SHCBP1: variants seen among roughly 807,000 people sequenced by gnomAD.
SHCBP1 encodes SHC binding and spindle associated 1.
In SHCBP1, 60 loss-of-function variants were observed where a neutral mutation model predicts 75.1. The observed-to-expected ratio is 0.80, with a 90% CI of 0.65 to 0.99. The LOEUF (loss-of-function observed/expected upper bound fraction) is 0.99, where lower values mean the gene tolerates loss of function less well. Among genes scored for constraint, SHCBP1 ranks in the 50% least tolerant of loss-of-function variants. The pLI is 0.00. For missense variants in SHCBP1, 709 were observed against 809.4 expected (o/e 0.88, Z 1.50); for synonymous variants, 290 against 293.2 (o/e 0.99, Z 0.11).
chr16:46,598,350 G>A (rs1171380269), intron 9 of SHCBP1, among the ~76,000 whole-genome samples: 2 of 152,176 alleles, frequency 1.3e-5, no homozygotes, highest in Non-Finnish European at 2.9e-5. Flanking sequence ...TCCATGGGCT[G>A]CAGAATGGAT....
chr16:46,613,093 G>A (rs1252440752), intron 4 of SHCBP1, among the ~76,000 whole-genome samples: 1 of 152,134 alleles, frequency 6.6e-6, no homozygotes, highest in Admixed American at 6.5e-5. Flanking sequence ...TGAGGTGGGA[G>A]GACTGCTTGA....
At chr16:46,610,779 G>A (rs1270855596) in intron 4 of SHCBP1, among the ~76,000 whole-genome samples, 4 of 151,338 alleles carry the variant, frequency 2.6e-5, no homozygotes, top group Non-Finnish European at 4.4e-5. Context: ...GGCTGGTCTC[G>A]AACTCCTGGG....
At chr16:46,613,956 A>G (rs1319169479) in intron 4 of SHCBP1, among the ~76,000 whole-genome samples, 1 of 152,210 alleles carries the variant, frequency 6.6e-6, no homozygotes, top group African/African-American at 2.4e-5. Context: ...AAATAATACT[A>G]CCAAATAACA....
At chr16:46,606,748 T>C (rs1965331533) in intron 5 of SHCBP1, among the ~76,000 whole-genome samples, 1 of 152,026 alleles carries the variant, frequency 6.6e-6, no homozygotes, top group African/African-American at 2.4e-5. Context: ...ATAGAAATCA[T>C]AGCCCATTTA....
At position 46,579,519 on chromosome 16, in the gene SHCBP1, A is replaced by C. The variant is rs1177875979; in HGVS notation, c.*2210T>G. ...TAACTTATCTACAAAATCTAAACCA[A>C]GATAAAGTAGAAATTCAATTGAAAA... On this transcript the variant is annotated 3_prime_UTR_variant, in exon 13 of 13. Coordinates refer to ENST00000303383, the MANE Select transcript of SHCBP1 (RefSeq NM_024745.5). 6.6e-6 allele frequency among the ~76,000 whole-genome samples: 1 copy of C among 152,226 alleles called. No individual in the cohort carries two copies. The highest frequency in any genetic ancestry group is 1.5e-5 in the Non-Finnish European group (1 of 68,034).
chr16:46,588,727 G>A (rs201604032), intron 10 of SHCBP1, among the ~76,000 whole-genome samples: 9 of 152,206 alleles, frequency 5.9e-5, no homozygotes, highest in African/African-American at 1.2e-4. Context: ...ATTCACAGCC[G>A]AATTCTACCA....
intron 10 of SHCBP1, among the ~76,000 whole-genome samples, chr16:46,586,035 A>G (rs568725468): frequency 6.6e-6 from 1 of 152,342 alleles, no homozygotes; most frequent in African/African-American, 2.4e-5. Flanking sequence ...GAAGATCCAG[A>G]TTCTCACAAC....
rs1335642118 is a variant in SHCBP1 at position 46,617,657 on chromosome 16, T to C, written c.364A>G (p.Asn122Asp). The stretch of plus-strand genomic sequence containing the variant: ...ACCTCAACCAGCACCTTGAACACAT[T>C]AGTGTGCCAGACTGCCCGCCATCCA... The part of the protein sequence containing the change: ...PSGWRAVWHT[N>D]VFKVLVEITD... Residue 122 changes from asparagine (N) to aspartate (D), a missense_variant, in exon 3 of 13, where the codon AAT becomes GAT. Physicochemically the swap from Asn to Asp is conservative, Grantham distance 23. Coordinates refer to ENST00000303383, the MANE Select transcript of SHCBP1 (RefSeq NM_024745.5). The C allele has an allele frequency of 6.2e-7, 1 of 1,613,780 alleles. No individual in the cohort carries two copies. Among genetic ancestry groups the C allele is most frequent in the African/African-American group, 1.3e-5 (1 of 74,922 alleles).
In SHCBP1 at chr16:46,582,031, TC is replaced by T; in HGVS notation, c.1716del (p.Thr573GlnfsTer13). Reference protein sequence around the residue: ...GTEENKALKIQTSGEPDVAER... With the variant: ...GTEENKALKIXTSGEPDVAER... Reference sequence around the variant, plus strand: ...TCAGCCACATCTGGCTCTCCACTTGTCTGAATTTTAAGCGCTTTATTTTCTG... The same window carrying T: ...TCAGCCACATCTGGCTCTCCACTTGTTGAATTTTAAGCGCTTTATTTTCTG... On this transcript the variant is annotated frameshift_variant, in exon 13 of 13. Coordinates refer to ENST00000303383, the MANE Select transcript of SHCBP1 (RefSeq NM_024745.5). LOFTEE classifies it high-confidence loss of function. 6.2e-7 allele frequency: 1 copy of T among 1,606,544 alleles called. No individual in the cohort carries two copies. The highest frequency in any genetic ancestry group is 1.3e-5 in the African/African-American group (1 of 74,616).
intron 9 of SHCBP1, 114 bp from the exon 10 acceptor site, chr16:46,595,784 T>C (rs1382227607): frequency 6.7e-6 from 4 of 593,856 alleles, no homozygotes; most frequent in African/African-American, 1.9e-5. Context: ...TGGCTATCAT[T>C]TAAATTTTCT....
At position 46,608,892 on chromosome 16, in the gene SHCBP1, C is replaced by T. The variant is rs145842187; in HGVS notation, c.597-503G>A. Among the ~76,000 whole-genome samples the T allele has an allele frequency of 2.4e-3, 364 of 152,246 alleles. 3 individuals are homozygous for T. The highest frequency in any genetic ancestry group is 8.5e-3 in the African/African-American group (355 of 41,546). ...GGGATTACAGGCATGAGCCACCGCG[C>T]CCAGCCAGGACTTTCTTTTTATTGG... On this transcript the variant is annotated intron_variant, in intron 4 of 12. Transcript: ENST00000303383.
intron 1 of SHCBP1, among the ~76,000 whole-genome samples, chr16:46,619,042 G>C (rs1965545578): frequency 6.6e-6 from 1 of 152,104 alleles, no homozygotes; most frequent in Non-Finnish European, 1.5e-5. Context: ...CAATAAACAG[G>C]GACGAGAGTC....
At position 46,615,095 on chromosome 16, in the gene SHCBP1, G is replaced by A. The variant is rs1184926573; in HGVS notation, c.596+851C>T. On this transcript the variant is annotated intron_variant, in intron 4 of 12. Transcript: ENST00000303383. ...TTCCTCCTCTGGTGAAGATGATGAG[G>A]ATAAAGACCTTTATGATGATCCACT... 2.0e-5 allele frequency among the ~76,000 whole-genome samples: 3 copies of A among 152,118 alleles called. No individual in the cohort carries two copies. The East Asian group carries it at 5.8e-4, about 29-fold the overall frequency.
At position 46,599,965 on chromosome 16, in the gene SHCBP1, A is replaced by G; in HGVS notation, c.1214-3T>C. The G allele has an allele frequency of 6.2e-7, 1 of 1,612,534 alleles. No individual in the cohort carries two copies. The highest frequency in any genetic ancestry group is 8.5e-7 in the Non-Finnish European group (1 of 1,179,468). ...AATGTCATCTGGTAGGCCATATCCT[A>G]AGGAAGAGAGAGCAACAACACTCAA... On this transcript the variant is annotated splice_region_variant and splice_polypyrimidine_tract_variant and intron_variant, in intron 8 of 12. Coordinates refer to ENST00000303383, the MANE Select transcript of SHCBP1 (RefSeq NM_024745.5).
chr16:46,600,026 T>A, intron 8 of SHCBP1, 64 bp from the exon 9 acceptor site: 1 of 1,567,708 alleles, frequency 6.4e-7, no homozygotes, highest in Non-Finnish European at 8.6e-7. Flanking sequence ...GTGAACACTG[T>A]AGAACAAGTT....
At chr16:46,608,182 AGAGT>A (rs954296833) in intron 5 of SHCBP1, 111 bp downstream of exon 5, 46 of 640,880 alleles carry the variant, frequency 7.2e-5, no homozygotes, top group South Asian at 3.5e-4. Flanking sequence ...TCAGAGAGAG[AGAGT>A]GAGTGAGTGA....
intron 10 of SHCBP1, among the ~76,000 whole-genome samples, chr16:46,585,428 C>T (rs762136218): frequency 4.3e-4 from 65 of 152,052 alleles, no homozygotes; most frequent in Non-Finnish European, 7.1e-4. Context: ...AGAAACAACA[C>T]CAACACAGTG....
At chr16:46,617,895 A>C in intron 2 of SHCBP1, 146 bp from the exon 3 acceptor site, 2 of 737,152 alleles carry the variant, frequency 2.7e-6, no homozygotes, top group Non-Finnish European at 4.4e-6. Context: ...GATGCAAAAA[A>C]CCAGCCAGGC....
intron 2 of SHCBP1, 38 bp from the exon 3 acceptor site, chr16:46,617,787 A>G: frequency 6.8e-7 from 1 of 1,472,902 alleles, no homozygotes; most frequent in Non-Finnish European, 9.5e-7. Flanking sequence ...TTGAGAATGC[A>G]TAAAGCAGAG....
Sources: allele counts gnomAD v4.1 joint callset (sites outside exome capture counted in the v4.1 genomes callset), GRCh38; gene constraint gnomAD v4.1.1; transcripts MANE v1.5; gene names NCBI Gene and HGNC (gene_info 2026-07-23, HGNC 2026-07-21).